KCNMA1: variants seen among roughly 807,000 people sequenced by gnomAD.
KCNMA1 encodes Calcium-activated potassium channel subunit alpha-1.
Under a neutral mutation model 140.0 loss-of-function variants are expected in KCNMA1, and 29 were observed. The observed-to-expected ratio is 0.21, with a 90% confidence interval of 0.15 to 0.28. The LOEUF (loss-of-function observed/expected upper bound fraction) is 0.28. Ranked by LOEUF, KCNMA1 falls within the 10% of genes least tolerant of loss-of-function variation. KCNMA1 has a pLI of 1.00. For synonymous variants in KCNMA1, 612 were observed against 611.9 expected (o/e 1.00, Z 0.00); for missense variants, 880 against 1,602.2 (o/e 0.55, Z 7.70).
Position 76,998,077 on chromosome 10 carries a change from G to A in KCNMA1, c.2266+3330C>T, listed in dbSNP as rs183834956. Reference sequence around the variant, plus strand: ...ACAGTCTGGCCTTCCATCTCCTCCTGAGTTCAACAGAAGACAACTATCATA... The same window carrying A: ...ACAGTCTGGCCTTCCATCTCCTCCTAAGTTCAACAGAAGACAACTATCATA... On this transcript the variant is annotated intron_variant, in intron 19 of 27. Coordinates refer to ENST00000286628, the MANE Select transcript of KCNMA1 (RefSeq NM_001161352.2). Among the ~76,000 whole-genome samples, 5 of 152,202 alleles carry A rather than the reference G, an allele frequency of 3.3e-5. No individual in the cohort carries two copies. The East Asian group carries it at 9.7e-4, about 29-fold the overall frequency.
At chr10:76,964,754 A>C (rs929245848) in intron 20 of KCNMA1, among the ~76,000 whole-genome samples, 2 of 152,196 alleles carry the variant, frequency 1.3e-5, no homozygotes, top group Non-Finnish European at 2.9e-5. Flanking sequence ...GGTTTGAGTC[A>C]AAAGAGAGGT....
rs536911385 is a variant in KCNMA1 at position 77,240,828 on chromosome 10, C to A, written c.602+10367G>T. Among the ~76,000 whole-genome samples, 32 of 152,280 alleles carry A rather than the reference C, an allele frequency of 2.1e-4. No homozygotes were observed. The South Asian group carries it at 6.4e-3, about 31-fold the overall frequency. On this transcript the variant is annotated intron_variant, in intron 3 of 27. Coordinates refer to ENST00000286628, the MANE Select transcript of KCNMA1 (RefSeq NM_001161352.2). ...ATTTCCAATGTCTGCCCTTCCCTGT[C>A]CAGATGAATTTGCAAACATCAGATG...
chr10:77,130,789 A>G (rs1211906496), intron 5 of KCNMA1, among the ~76,000 whole-genome samples: 4 of 152,158 alleles, frequency 2.6e-5, no homozygotes, highest in Admixed American at 6.5e-5. Flanking sequence ...CTGACTTGGC[A>G]TACATATATA....
chr10:77,434,166 A>C (rs1270200871), intron 1 of KCNMA1, among the ~76,000 whole-genome samples: 1 of 152,240 alleles, frequency 6.6e-6, no homozygotes, highest in Non-Finnish European at 1.5e-5. Context: ...CCAGCGCTAC[A>C]GCCTGCTGAC....
At chr10:76,897,691 A>G (rs2043174913) in intron 25 of KCNMA1, among the ~76,000 whole-genome samples, 1 of 152,124 alleles carries the variant, frequency 6.6e-6, no homozygotes, top group Non-Finnish European at 1.5e-5. Context: ...TATTTAAAAC[A>G]GAATTGTAAA....
At chr10:77,565,755 T>C (rs2068050313) in intron 1 of KCNMA1, among the ~76,000 whole-genome samples, 1 of 152,234 alleles carries the variant, frequency 6.6e-6, no homozygotes, top group Non-Finnish European at 1.5e-5. Context: ...GTAACTGGTA[T>C]CTGTGATGGG....
At chr10:77,146,481 G>A (rs1040787214) in intron 5 of KCNMA1, among the ~76,000 whole-genome samples, 1 of 152,030 alleles carries the variant, frequency 6.6e-6, no homozygotes. Flanking sequence ...CAGGCAGATA[G>A]GTTGAGGCCA....
chr10:77,451,342 G>A (rs2097654243), intron 1 of KCNMA1, among the ~76,000 whole-genome samples: 1 of 152,156 alleles, frequency 6.6e-6, no homozygotes, highest in Admixed American at 6.5e-5. Context: ...CTGTGCCCCT[G>A]AAGTTGATCT....
chr10:77,076,501 C>T (rs2096401786), intron 13 of KCNMA1, among the ~76,000 whole-genome samples: 1 of 152,144 alleles, frequency 6.6e-6, no homozygotes. Flanking sequence ...CTCTCGGGAA[C>T]CACAGTTTGG....
chr10:77,247,963 C>T (rs903417302), intron 3 of KCNMA1, among the ~76,000 whole-genome samples: 6 of 152,150 alleles, frequency 3.9e-5, no homozygotes, highest in African/African-American at 1.4e-4. Context: ...CCCTCACAAC[C>T]ACCCTAGGTT....
chr10:77,343,193 G>C (rs554142843), intron 2 of KCNMA1, among the ~76,000 whole-genome samples: 1 of 152,262 alleles, frequency 6.6e-6, no homozygotes, highest in Admixed American at 6.5e-5. Flanking sequence ...AGAGAGGACA[G>C]GCCCTTTGCT....
At chr10:77,017,849 G>T (rs1417059237) in intron 17 of KCNMA1, among the ~76,000 whole-genome samples, 1 of 147,680 alleles carries the variant, frequency 6.8e-6, no homozygotes, top group African/African-American at 2.5e-5. Flanking sequence ...GTGGGAAAGA[G>T]TAATGCTACC....
intron 3 of KCNMA1, among the ~76,000 whole-genome samples, chr10:77,219,161 C>A (rs2048758309): frequency 6.6e-6 from 1 of 152,156 alleles, no homozygotes; most frequent in African/African-American, 2.4e-5. Context: ...GCTTCACAGA[C>A]ATGCTTAATA....
intron 2 of KCNMA1, among the ~76,000 whole-genome samples, chr10:77,338,741 T>A (rs1341916917): frequency 6.6e-6 from 1 of 152,164 alleles, no homozygotes; most frequent in Non-Finnish European, 1.5e-5. Context: ...AACCCCTAAA[T>A]CTTGATGATG....
chr10:77,064,036 C>T (rs560707059), intron 14 of KCNMA1: 61 of 985,372 alleles, frequency 6.2e-5, no homozygotes, highest in African/African-American at 5.8e-4. Context: ...GCCCCATCCT[C>T]GCTGGGCACC....
intron 3 of KCNMA1, among the ~76,000 whole-genome samples, chr10:77,230,313 T>C (rs955151159): frequency 1.1e-4 from 16 of 152,162 alleles, no homozygotes; most frequent in Non-Finnish European, 1.0e-4. Context: ...GTGACTCTGA[T>C]GAGTATGGGG....
rs1250842093 is a variant in KCNMA1 at position 76,889,589 on chromosome 10, C to T, written c.3343-20G>A. ...ACCATCCTGGGAGACAGCAAAAGAA[C>T]AGAGAGAAACATCCTTTTTATTTGC... On this transcript the variant is annotated intron_variant, in intron 26 of 27. Coordinates refer to ENST00000286628, the MANE Select transcript of KCNMA1 (RefSeq NM_001161352.2). 2.0e-6 allele frequency: 3 copies of T among 1,519,976 alleles called. No individual in the cohort carries two copies. The Middle Eastern group carries it at 5.1e-4, about 259-fold the overall frequency. The allele number at this position is 1,519,976 out of a possible 1,614,324, so 94.2% of individuals were successfully genotyped here. A position where few individuals can be genotyped will look rare whatever the true frequency, so the allele number is the denominator to read the frequency against.
intron 2 of KCNMA1, among the ~76,000 whole-genome samples, chr10:77,359,929 G>A (rs766400583): frequency 1.3e-5 from 2 of 152,216 alleles, no homozygotes; most frequent in Admixed American, 6.5e-5. Flanking sequence ...GAATGCCAAG[G>A]CAGAAAATGG....
chr10:76,881,821 G>A (rs1389712032), downstream of KCNMA1, among the ~76,000 whole-genome samples: 3 of 152,080 alleles, frequency 2.0e-5, no homozygotes, highest in Non-Finnish European at 2.9e-5. Context: ...AGGGGGATTT[G>A]GTTGGTCATC....
Sources: allele counts gnomAD v4.1 joint callset (sites outside exome capture counted in the v4.1 genomes callset), GRCh38; gene constraint gnomAD v4.1.1; transcripts MANE v1.5; gene names NCBI Gene and HGNC (gene_info 2026-07-23, HGNC 2026-07-21).